MAGI3: variants seen among roughly 807,000 people sequenced by gnomAD.
MAGI3 encodes the protein membrane associated guanylate kinase, WW and PDZ domain containing 3.
A neutral mutation model predicts 121.8 loss-of-function variants in MAGI3; 43 were observed. The ratio of observed to expected loss-of-function variants is 0.35; its 90% CI spans 0.28 to 0.46. MAGI3 has a LOEUF of 0.46. Ranked by LOEUF, MAGI3 falls within the 20% of genes least tolerant of loss-of-function variation. MAGI3 has a pLI of 1.00. For synonymous variants in MAGI3, 553 were observed against 639.3 expected, an observed-to-expected ratio of 0.86 and a Z score of 2.04; for missense variants, 1,547 against 1,797.3, an observed-to-expected ratio of 0.86 and a Z score of 2.52.
At chr1:113,494,272 A>G (rs1476668168) in intron 1 of MAGI3, among the ~76,000 whole-genome samples, 1 of 152,164 alleles carries the variant, frequency 6.6e-6, no homozygotes, top group Non-Finnish European at 1.5e-5. Context: ...CAGAAAACCA[A>G]ATACCACATG....
chr1:113,641,777 T>C (rs1652546097), intron 9 of MAGI3, 134 bp from the exon 10 acceptor site: 2 of 685,478 alleles, frequency 2.9e-6, no homozygotes, highest in South Asian at 5.1e-5. Flanking sequence ...GTTAGAAATC[T>C]ATCTTTTCAG....
Position 113,671,731 on chromosome 1 carries a change from C to T in MAGI3, c.2816-3C>T. ...TATTTCTATTGTTTTCTCATTTGAA[C>T]AGAGCATCATGGTCCACCATCAGGA... is the stretch of plus-strand genomic sequence containing the variant. On this transcript the variant is annotated splice_polypyrimidine_tract_variant and splice_region_variant and intron_variant, in intron 16 of 20. Coordinates refer to ENST00000307546, the MANE Select transcript of MAGI3 (RefSeq NM_001142782.2). The T allele has an allele frequency of 6.2e-7, 1 of 1,613,828 alleles. No homozygotes were observed.
chr1:113,489,352 T>C (rs1248987209), intron 1 of MAGI3, among the ~76,000 whole-genome samples: 1 of 152,070 alleles, frequency 6.6e-6, no homozygotes, highest in East Asian at 1.9e-4. Flanking sequence ...CAAACTCTTA[T>C]GGTCATCAAA....
chr1:113,399,310 G>A (rs920591380), intron 1 of MAGI3, among the ~76,000 whole-genome samples: 9 of 152,116 alleles, frequency 5.9e-5, no homozygotes, highest in South Asian at 2.1e-4. Context: ...TTGGTCAGGC[G>A]TGGGGACATG....
intron 1 of MAGI3, among the ~76,000 whole-genome samples, chr1:113,548,710 A>G (rs1659643727): frequency 6.6e-6 from 1 of 152,180 alleles, no homozygotes; most frequent in Admixed American, 6.5e-5. Flanking sequence ...GGGGACCCTA[A>G]ACAGAGTAGT....
chr1:113,553,744 C>T (rs1659875417), intron 2 of MAGI3, among the ~76,000 whole-genome samples: 1 of 152,258 alleles, frequency 6.6e-6, no homozygotes, highest in South Asian at 2.1e-4. Flanking sequence ...GGCTCAGTGG[C>T]TCACGCCTGT....
chr1:113,590,498 C>A lies in MAGI3; in HGVS notation c.778C>A (p.His260Asn). The A allele has an allele frequency of 1.2e-6, 2 of 1,613,550 alleles. No homozygotes were observed. Among genetic ancestry groups the A allele is most frequent in the Admixed American group, 1.7e-5 (1 of 59,966 alleles). The change falls in exon 5 of 21, where the codon CAT (histidine) becomes AAT (asparagine). Residue 260 changes from histidine (H) to asparagine (N), a missense_variant. Physicochemically the swap from His to Asn is moderately conservative, Grantham distance 68. Coordinates refer to ENST00000307546, the MANE Select transcript of MAGI3 (RefSeq NM_001142782.2). ...AACAATGGCAGAAAACAGAGAGAGG[C>A]ATTCTGAGTCATCTGACTGGATGAA... Reference protein sequence around the residue: ...GSGNAENRERHSESSDWMKTV... With the variant: ...GSGNAENRERNSESSDWMKTV...
At chr1:113,569,932 G>A (rs142576665) in intron 2 of MAGI3, among the ~76,000 whole-genome samples, 1 of 152,092 alleles carries the variant, frequency 6.6e-6, no homozygotes, top group Non-Finnish European at 1.5e-5. Flanking sequence ...GTGCAGGTTT[G>A]TTGCATAGGT....
At chr1:113,516,022 A>G (rs1657881804) in intron 1 of MAGI3, among the ~76,000 whole-genome samples, 1 of 152,066 alleles carries the variant, frequency 6.6e-6, no homozygotes, top group African/African-American at 2.4e-5. Flanking sequence ...CTAGATGCGT[A>G]TACCACTCCC....
At chr1:113,429,393 G>A (rs560071754) in intron 1 of MAGI3, among the ~76,000 whole-genome samples, 24 of 152,328 alleles carry the variant, frequency 1.6e-4, no homozygotes, top group Middle Eastern at 6.8e-3. Context: ...TGAAATGAAA[G>A]TACACTCCAC....
intron 1 of MAGI3, among the ~76,000 whole-genome samples, chr1:113,493,749 A>G (rs1656778805): frequency 6.6e-6 from 1 of 152,192 alleles, no homozygotes; most frequent in Admixed American, 6.5e-5. Flanking sequence ...CATACATGCA[A>G]TCAACAATCA....
Position 113,525,788 on chromosome 1 carries a change from G to A in MAGI3, c.317-23727G>A, listed in dbSNP as rs1249256776. Among the ~76,000 whole-genome samples the A allele has an allele frequency of 3.9e-5, 6 of 152,128 alleles. No homozygotes were observed. The East Asian group carries it at 1.2e-3, about 29-fold the overall frequency. ...GGAGGCTGAGGCAGGCAGATCACGA[G>A]GTCAGGAGATTGAGACCATCCTGGC... On this transcript the variant is annotated intron_variant, in intron 1 of 20. Coordinates refer to ENST00000307546, the MANE Select transcript of MAGI3 (RefSeq NM_001142782.2).
chr1:113,409,497 G>A (rs1001696853), intron 1 of MAGI3, among the ~76,000 whole-genome samples: 1 of 151,900 alleles, frequency 6.6e-6, no homozygotes, highest in African/African-American at 2.4e-5. Context: ...TAAAAAATTA[G>A]CCAGGTGTGG....
rs34587648 is a variant in MAGI3 at position 113,536,144 on chromosome 1, GTTTTTTTTT to G, written c.317-13364_317-13356del. On this transcript the variant is annotated intron_variant, in intron 1 of 20. Transcript: ENST00000307546. ...TGTCCACAATTACTAGAAGACATGTGTTTTTTTTTTTTTTTAAAAAAATTTGATTAGACA... is the reference window on the plus strand; with the variant it reads ...TGTCCACAATTACTAGAAGACATGTGTTTTTTAAAAAAATTTGATTAGACA... 1.4e-4 allele frequency among the ~76,000 whole-genome samples: 20 copies of G among 145,552 alleles called. No homozygotes were observed. In the East Asian group the frequency reaches 2.0e-3, roughly 14 times the overall value.
chr1:113,416,286 T>TTAATTATG lies in MAGI3; in HGVS notation c.316+24944_316+24951dup, dbSNP rs1451852846. Among the ~76,000 whole-genome samples, 6 of 83,436 alleles carry TTAATTATG rather than the reference T, an allele frequency of 7.2e-5. 1 individual carries two copies. Among genetic ancestry groups the TTAATTATG allele is most frequent in the Admixed American group, 1.4e-4 (1 of 7,026 alleles). The allele number at this position is 83,436 out of a possible 152,430, so 54.7% of individuals were successfully genotyped here. A position where few individuals can be genotyped will look rare whatever the true frequency, so the allele number is the denominator to read the frequency against. ...TTAATTATGTAATTAATTACACATA[T>TTAATTATG]TAATTATGTAATTAATTATGTAATT... On this transcript the variant is annotated intron_variant, in intron 1 of 20. Transcript: ENST00000307546.
intron 9 of MAGI3, among the ~76,000 whole-genome samples, chr1:113,626,259 A>G (rs1235620824): frequency 6.6e-6 from 1 of 152,224 alleles, no homozygotes; most frequent in African/African-American, 2.4e-5. Context: ...GATACCATGT[A>G]TCACACTGAT....
At chr1:113,601,752 G>T (rs1290423404) in intron 6 of MAGI3, among the ~76,000 whole-genome samples, 2 of 144,326 alleles carry the variant, frequency 1.4e-5, no homozygotes, top group African/African-American at 5.2e-5. Flanking sequence ...AAATCATGCT[G>T]CTATAAAGAC....
chr1:113,532,691 A>G (rs1195902879), intron 1 of MAGI3, among the ~76,000 whole-genome samples: 2 of 152,176 alleles, frequency 1.3e-5, no homozygotes, highest in Non-Finnish European at 2.9e-5. Context: ...TTTAATTTTG[A>G]ATTTAAAATT....
intron 6 of MAGI3, among the ~76,000 whole-genome samples, chr1:113,612,343 A>G (rs1650206009): frequency 6.6e-6 from 1 of 152,196 alleles, no homozygotes; most frequent in South Asian, 2.1e-4. Flanking sequence ...GTTTATCTTT[A>G]TCTTATCATT....
Sources: gnomAD v4.1 joint callset for allele counts (sites outside exome capture counted in the v4.1 genomes callset) on GRCh38, gnomAD v4.1.1 for gene constraint, MANE v1.5 for transcripts, NCBI Gene and HGNC (gene_info 2026-07-23, HGNC 2026-07-21) for gene names.